ABHD2: variants seen among roughly 807,000 people sequenced by gnomAD.
ABHD2 encodes the protein monoacylglycerol lipase ABHD2.
A neutral mutation model predicts 48.1 loss-of-function variants in ABHD2; 20 were observed. The observed-to-expected ratio is 0.42, with a 90% CI of 0.29 to 0.60. ABHD2 has a LOEUF of 0.60. Ranked by LOEUF, ABHD2 falls within the 20% of genes least tolerant of loss-of-function variation. The pLI, the probability that ABHD2 is intolerant of heterozygous loss-of-function variation, is 0.24. For missense variants in ABHD2, 405 were observed against 550.9 expected, an observed-to-expected ratio of 0.74 and a Z score of 2.65; for synonymous variants, 209 against 214.2, an observed-to-expected ratio of 0.98 and a Z score of 0.21.
In ABHD2 at chr15:89,179,403, A is replaced by T. The variant is rs375574393; in HGVS notation, c.722+3408A>T. ...CTCCTGTCAGATCAGCAGTGACATTAGATTCTCATAGGAGGATGAACCTTA... is the reference window on the plus strand; with the variant it reads ...CTCCTGTCAGATCAGCAGTGACATTTGATTCTCATAGGAGGATGAACCTTA... On this transcript the variant is annotated intron_variant, in intron 6 of 10. Coordinates refer to ENST00000352732, the MANE Select transcript of ABHD2 (RefSeq NM_152924.5). This position sits in a 1 kb window ranked among gnomAD's most constrained non-coding sequence, Gnocchi z 4.3. 1.2e-4 allele frequency among the ~76,000 whole-genome samples: 19 copies of T among 152,194 alleles called. No individual in the cohort carries two copies. The highest frequency in any genetic ancestry group is 3.6e-4 in the African/African-American group (15 of 41,444).
chr15:89,077,235 A>G, the ABHD2 span, among the ~76,000 whole-genome samples: 1 of 152,188 alleles, frequency 6.6e-6, no homozygotes, highest in Non-Finnish European at 1.5e-5. Flanking sequence ...CTTTATATAA[A>G]TAAAATCATA....
rs1382684899 is a variant in ABHD2 at position 89,167,796 on chromosome 15, A to G, written c.539-8016A>G. On this transcript the variant is annotated intron_variant, in intron 5 of 10. Transcript: ENST00000352732. This position sits in a 1 kb window ranked among gnomAD's most constrained non-coding sequence, Gnocchi z 5.5. ...CACATACTTTTACTATGGAAGTGAC[A>G]GGGGCTGCTAGGCCCCTAACCGCCC... Among the ~76,000 whole-genome samples, 17 of 152,206 alleles carry G rather than the reference A, an allele frequency of 1.1e-4. No homozygotes were observed. Among genetic ancestry groups the G allele is most frequent in the Admixed American group, 1.1e-3 (17 of 15,284 alleles).
At chr15:89,064,517 C>G in the ABHD2 span, among the ~76,000 whole-genome samples, 6 of 152,096 alleles carry the variant, frequency 3.9e-5, no homozygotes, top group African/African-American at 1.4e-4. Flanking sequence ...AGTGAGCTAT[C>G]GCGCCCGGCC....
In ABHD2 at chr15:89,120,963, T is replaced by C. The variant is rs1280474717; in HGVS notation, c.194+4442T>C. 2 of 152,232 alleles carry C rather than the reference T, an allele frequency of 1.3e-5. No homozygotes were observed. Among genetic ancestry groups the C allele is most frequent in the Non-Finnish European group, 2.9e-5 (2 of 68,028 alleles). 9.4% of individuals were successfully genotyped at this position (152,232 alleles called of 1,614,324 possible). A position where few individuals can be genotyped will look rare whatever the true frequency, so the allele number is the denominator to read the frequency against. ...CACAAAATCACGGTGATAGATATTG[T>C]TTAGTAACCTGCTTTCACCAAACCA... On this transcript the variant is annotated intron_variant, in intron 3 of 10. Transcript: ENST00000352732. The surrounding 1 kb of genome is among the most constrained non-coding windows in gnomAD (Gnocchi z 4.2).
At chr15:89,128,178 T>A (rs2050165827) in intron 3 of ABHD2, among the ~76,000 whole-genome samples, 1 of 152,182 alleles carries the variant, frequency 6.6e-6, no homozygotes, top group Non-Finnish European at 1.5e-5. Flanking sequence ...TAAAGGAATT[T>A]AGAGAAAGAG....
At position 89,164,600 on chromosome 15, in the gene ABHD2, G is replaced by C. The variant is rs1297652820; in HGVS notation, c.538+9066G>C. ...CCAGGAGTTTGAGACCAGCCTGATA[G>C]AACATGGTGAAACCTCATCTCTACT... On this transcript the variant is annotated intron_variant, in intron 5 of 10. Coordinates refer to ENST00000352732, the MANE Select transcript of ABHD2 (RefSeq NM_152924.5). This position sits in a 1 kb window ranked among gnomAD's most constrained non-coding sequence, Gnocchi z 5.0. Among the ~76,000 whole-genome samples the C allele has an allele frequency of 6.6e-6, 1 of 151,894 alleles. No homozygotes were observed. Among genetic ancestry groups the C allele is most frequent in the Non-Finnish European group, 1.5e-5 (1 of 67,946 alleles).
chr15:89,059,453 C>T, the ABHD2 span, among the ~76,000 whole-genome samples: 3 of 152,146 alleles, frequency 2.0e-5, no homozygotes, highest in East Asian at 1.9e-4. Context: ...GATCAAAATT[C>T]GTTAGGTTGA....
chr15:89,047,008 T>G, the ABHD2 span, among the ~76,000 whole-genome samples: 6 of 151,954 alleles, frequency 3.9e-5, no homozygotes, highest in African/African-American at 1.5e-4. Context: ...ATTTTGGATC[T>G]TTCCTGCTTT....
rs997623565 is a variant in ABHD2, at chr15:89,174,355, C to G, written c.539-1457C>G. 6.6e-6 allele frequency among the ~76,000 whole-genome samples: 1 copy of G among 152,212 alleles called. No individual in the cohort carries two copies. Among genetic ancestry groups the G allele is most frequent in the African/African-American group, 2.4e-5 (1 of 41,458 alleles). ...AATTACCTACTCAAAAACAAAGTCA[C>G]TATAGATTCCTGGGCTTGGTCCCCA... is the stretch of plus-strand genomic sequence containing the variant. On this transcript the variant is annotated intron_variant, in intron 5 of 10. Coordinates refer to ENST00000352732, the MANE Select transcript of ABHD2 (RefSeq NM_152924.5). The surrounding 1 kb of genome is among the most constrained non-coding windows in gnomAD (Gnocchi z 4.1).
chr15:89,138,773 G>C (rs569046575), intron 3 of ABHD2, among the ~76,000 whole-genome samples: 1 of 152,272 alleles, frequency 6.6e-6, no homozygotes, highest in African/African-American at 2.4e-5. Flanking sequence ...TTAACTTCTG[G>C]TTGGGGGAGT....
rs567622619 is a variant in ABHD2 at position 89,102,834 on chromosome 15, C to T, written c.-106-10891C>T. Among the ~76,000 whole-genome samples the T allele has an allele frequency of 2.0e-5, 3 of 152,300 alleles. No individual in the cohort carries two copies. The South Asian group carries it at 6.2e-4, about 32-fold the overall frequency. On this transcript the variant is annotated intron_variant, in intron 1 of 10. Coordinates refer to ENST00000352732, the MANE Select transcript of ABHD2 (RefSeq NM_152924.5). This position sits in a 1 kb window ranked among gnomAD's most constrained non-coding sequence, Gnocchi z 4.8. ...GGAGCAAATGCCTGCCTGATACAGG[C>T]AACGTTTGCACAAAAACCCAAAGGA...
chr15:89,060,452 C>G, the ABHD2 span, among the ~76,000 whole-genome samples: 3 of 151,988 alleles, frequency 2.0e-5, no homozygotes, highest in African/African-American at 4.8e-5. Context: ...CTCATTTTCT[C>G]CATACTAGAG....
rs753170060 is a variant in ABHD2, at chr15:89,196,723, T to A, written c.*1300T>A. 5.3e-5 allele frequency: 8 copies of A among 152,370 alleles called. No homozygotes were observed. The highest frequency in any genetic ancestry group is 2.0e-4 in the Admixed American group (3 of 15,286). 9.4% of individuals were successfully genotyped at this position (152,370 alleles called of 1,614,324 possible). A position where few individuals can be genotyped will look rare whatever the true frequency, so the allele number is the denominator to read the frequency against. ...TTGGATCTGAGTTTGGAGAAAGATA[T>A]TTCCAACCTAAGTGGGTATTATTTT... On this transcript the variant is annotated 3_prime_UTR_variant, in exon 11 of 11. Coordinates refer to ENST00000352732, the MANE Select transcript of ABHD2 (RefSeq NM_152924.5).
Position 89,091,867 on chromosome 15 carries a change from T to A in ABHD2, c.-107+3304T>A, listed in dbSNP as rs1310591381. 6.6e-6 allele frequency among the ~76,000 whole-genome samples: 1 copy of A among 152,232 alleles called. No homozygotes were observed. Among genetic ancestry groups the A allele is most frequent in the Non-Finnish European group, 1.5e-5 (1 of 68,036 alleles). On this transcript the variant is annotated intron_variant, in intron 1 of 10. Coordinates refer to ENST00000352732, the MANE Select transcript of ABHD2 (RefSeq NM_152924.5). This position sits in a 1 kb window ranked among gnomAD's most constrained non-coding sequence, Gnocchi z 5.5. ...GTTGCTTTAGCCTTTCTGTTTCATC[T>A]TGGGCTAAGCTATCCCCAGGAACAG...
At chr15:89,101,789 T>A (rs534536237) in intron 1 of ABHD2, among the ~76,000 whole-genome samples, 2 of 152,308 alleles carry the variant, frequency 1.3e-5, no homozygotes, top group East Asian at 3.9e-4. Flanking sequence ...AATATCTTTG[T>A]ATGGTTCAGC....
Position 89,176,259 on chromosome 15 carries a change from C to T in ABHD2, c.722+264C>T, listed in dbSNP as rs183051410. ...TAAAACCCCCTTTGATAGTTGCTGT[C>T]TCCTAGGGAATCTCTGTCAGGTGAC... On this transcript the variant is annotated intron_variant, in intron 6 of 10. Transcript: ENST00000352732. This position sits in a 1 kb window ranked among gnomAD's most constrained non-coding sequence, Gnocchi z 4.5. Among the ~76,000 whole-genome samples the T allele has an allele frequency of 1.3e-5, 2 of 152,248 alleles. 1 individual carries two copies. The highest frequency in any genetic ancestry group is 1.3e-4 in the Admixed American group (2 of 15,294).
chr15:89,181,553 C>T (rs1178604361), intron 6 of ABHD2, among the ~76,000 whole-genome samples: 1 of 152,132 alleles, frequency 6.6e-6, no homozygotes, highest in East Asian at 1.9e-4. Flanking sequence ...GCTTGCCCAT[C>T]CCACTCTTAC....
chr15:89,176,639 G>C lies in ABHD2; in HGVS notation c.722+644G>C, dbSNP rs1489410277. Among the ~76,000 whole-genome samples, 2 of 151,980 alleles carry C rather than the reference G, an allele frequency of 1.3e-5. No homozygotes were observed. The highest frequency in any genetic ancestry group is 4.8e-5 in the African/African-American group (2 of 41,360). ...CCCCTGAAGATCACTGCTGTCCCAG[G>C]TCTCTCAAGAGTCACCACACTCACA... is the stretch of plus-strand genomic sequence containing the variant. On this transcript the variant is annotated intron_variant, in intron 6 of 10. Transcript: ENST00000352732. The surrounding 1 kb of genome is among the most constrained non-coding windows in gnomAD (Gnocchi z 4.5).
chr15:89,056,102 C>T, the ABHD2 span, among the ~76,000 whole-genome samples: 2 of 152,168 alleles, frequency 1.3e-5, no homozygotes, highest in East Asian at 1.9e-4. Context: ...ATCCTCTGAC[C>T]ACAGACTCCC....
Sources: allele counts gnomAD v4.1 joint callset (sites outside exome capture counted in the v4.1 genomes callset), GRCh38; gene constraint gnomAD v4.1.1; non-coding constraint Gnocchi (gnomAD v3.1); transcripts MANE v1.5; gene names NCBI Gene and HGNC (gene_info 2026-07-23, HGNC 2026-07-21).